The following RYR2 variants were observed in gnomAD, a reference collection of about 807,000 sequenced individuals.
The protein encoded by RYR2 is cardiac muscle ryanodine receptor-calcium release channel.
In RYR2, 227 loss-of-function variants were observed where a neutral mutation model predicts 601.1. The observed-to-expected ratio is 0.38, with a 90% confidence interval of 0.34 to 0.42. The LOEUF (loss-of-function observed/expected upper bound fraction) is 0.42. RYR2 is among the 10% of genes least tolerant of loss of function. The probability of loss-of-function intolerance (pLI) is 1.00; values close to 1 mark genes in which losing one functional copy is unlikely to be tolerated. For missense variants in RYR2, 4,646 were observed against 6,156.5 expected, an observed-to-expected ratio of 0.75 and a Z score of 8.21; for synonymous variants, 2,223 against 2,175.1, an observed-to-expected ratio of 1.02 and a Z score of -0.61.
chr1:237,672,323 G>A (rs941262405), intron 58 of RYR2, among the ~76,000 whole-genome samples: 2 of 151,930 alleles, frequency 1.3e-5, no homozygotes, highest in Admixed American at 6.6e-5. Flanking sequence ...ATTGGTATGC[G>A]GCCCCAAAAT....
At chr1:237,218,323 T>C (rs1223893761) in intron 1 of RYR2, among the ~76,000 whole-genome samples, 1 of 152,154 alleles carries the variant, frequency 6.6e-6, no homozygotes, top group Admixed American at 6.6e-5. Flanking sequence ...TGTAGATGGA[T>C]TGAGGAATAC....
chr1:237,159,025 C>T (rs758689084), intron 1 of RYR2, among the ~76,000 whole-genome samples: 4 of 152,204 alleles, frequency 2.6e-5, no homozygotes, highest in South Asian at 4.1e-4. Context: ...CAGTGGCTCA[C>T]GCCTATTACA....
At chr1:237,168,776 C>G (rs796659456) in intron 1 of RYR2, among the ~76,000 whole-genome samples, 38 of 152,236 alleles carry the variant, frequency 2.5e-4, no homozygotes, top group African/African-American at 8.9e-4. Flanking sequence ...GTCGAATGCT[C>G]TACATTGTCT....
At chr1:237,287,076 A>G (rs1691652163) in intron 2 of RYR2, among the ~76,000 whole-genome samples, 1 of 152,046 alleles carries the variant, frequency 6.6e-6, no homozygotes, top group South Asian at 2.1e-4. Flanking sequence ...TCCTTCATAT[A>G]TGATGCTTAG....
intron 1 of RYR2, among the ~76,000 whole-genome samples, chr1:237,069,225 T>C (rs1664013263): frequency 6.6e-6 from 1 of 152,146 alleles, no homozygotes; most frequent in Admixed American, 6.5e-5. Context: ...CTGGCTGTAT[T>C]TTGTGATAAG....
intron 2 of RYR2, among the ~76,000 whole-genome samples, chr1:237,304,746 C>T (rs1005969332): frequency 6.6e-6 from 1 of 152,120 alleles, no homozygotes; most frequent in Non-Finnish European, 1.5e-5. Flanking sequence ...AATGTCATTT[C>T]AACAATAAAG....
chr1:237,318,303 T>C (rs772136945), intron 2 of RYR2, among the ~76,000 whole-genome samples: 7 of 152,148 alleles, frequency 4.6e-5, no homozygotes, highest in Non-Finnish European at 8.8e-5. Context: ...CCATACATCA[T>C]ACATATATGT....
chr1:237,693,677 T>C (rs1373269021), intron 63 of RYR2, among the ~76,000 whole-genome samples: 1 of 152,220 alleles, frequency 6.6e-6, no homozygotes. Context: ...CAGTAGCTGT[T>C]GTTAAAATAT....
intron 1 of RYR2, among the ~76,000 whole-genome samples, chr1:237,244,775 C>T (rs923310195): frequency 2.0e-5 from 3 of 150,708 alleles, no homozygotes; most frequent in Middle Eastern, 3.4e-3. Context: ...ATTTTCTTGG[C>T]GCGAGACAAT....
At chr1:237,382,504 C>T (rs914541271) in intron 8 of RYR2, among the ~76,000 whole-genome samples, 2 of 149,278 alleles carry the variant, frequency 1.3e-5, no homozygotes, top group African/African-American at 5.0e-5. Flanking sequence ...TTACGTATAT[C>T]TCCTAATGTT....
intron 1 of RYR2, among the ~76,000 whole-genome samples, chr1:237,134,015 T>C (rs996135402): frequency 2.1e-4 from 31 of 147,546 alleles, no homozygotes; most frequent in African/African-American, 8.0e-4. Flanking sequence ...TTTCCGTTGG[T>C]GGTTATTGGA....
intron 77 of RYR2, among the ~76,000 whole-genome samples, chr1:237,730,685 G>T (rs182420480): frequency 7.9e-5 from 12 of 152,212 alleles, no homozygotes; most frequent in Admixed American, 7.9e-4. Flanking sequence ...GACTATAAAA[G>T]AATGAACTGT....
intron 23 of RYR2, among the ~76,000 whole-genome samples, chr1:237,508,579 T>A (rs1272596726): frequency 6.6e-6 from 1 of 151,924 alleles, no homozygotes; most frequent in Non-Finnish European, 1.5e-5. Flanking sequence ...TTCACCTAAG[T>A]GGTTATGTTT....
Position 237,297,433 on chromosome 1 carries a change from C to A in RYR2, c.168+26817C>A, listed in dbSNP as rs557804275. 7.7e-4 allele frequency among the ~76,000 whole-genome samples: 117 copies of A among 152,188 alleles called. 1 individual carries two copies. Among genetic ancestry groups the A allele is most frequent in the Non-Finnish European group, 1.4e-3 (93 of 68,020 alleles). On this transcript the variant is annotated intron_variant, in intron 2 of 104. Coordinates refer to ENST00000366574, the MANE Select transcript of RYR2 (RefSeq NM_001035.3). ...ATCATCGTCTGCCATTTTTGTAATA[C>A]CCTACCCACAGGAAAGAAAAGTAAA...
chr1:237,308,684 G>C lies in RYR2; in HGVS notation c.169-22194G>C, dbSNP rs561625291. Among the ~76,000 whole-genome samples, 102 of 152,296 alleles carry C rather than the reference G, an allele frequency of 6.7e-4. No homozygotes were observed. The Middle Eastern group carries it at 0.01, about 15-fold the overall frequency. On this transcript the variant is annotated intron_variant, in intron 2 of 104. Coordinates refer to ENST00000366574, the MANE Select transcript of RYR2 (RefSeq NM_001035.3). ...ATAAAGCTGAGGACCTTAGCGGTGA[G>C]TGTTACAGCTCATAAAAGCAGTGCA...
intron 80 of RYR2, among the ~76,000 whole-genome samples, chr1:237,749,459 C>G (rs926165674): frequency 1.7e-5 from 2 of 119,252 alleles, no homozygotes; most frequent in African/African-American, 5.4e-5. Context: ...TATTATTAAT[C>G]AATTTCACTT....
At chr1:237,525,475 G>A (rs2147894629) in intron 24 of RYR2, among the ~76,000 whole-genome samples, 1 of 152,006 alleles carries the variant, frequency 6.6e-6, no homozygotes, top group South Asian at 2.1e-4. Context: ...TTTTTTGACA[G>A]AGTCTTGCTC....
At chr1:237,178,265 T>G (rs556225032) in intron 1 of RYR2, among the ~76,000 whole-genome samples, 1 of 152,340 alleles carries the variant, frequency 6.6e-6, no homozygotes, top group South Asian at 2.1e-4. Flanking sequence ...CAAGGACATC[T>G]TACTTCCTCT....
chr1:237,430,777 G>T lies in RYR2; in HGVS notation c.1005+7529G>T, dbSNP rs560238630. On this transcript the variant is annotated intron_variant, in intron 12 of 104. Transcript: ENST00000366574. ...TGACTTAAAAGCTGTGAATATTTTT[G>T]AATGTTCTTGATAGAGATTGCCCAA... Among the ~76,000 whole-genome samples the T allele has an allele frequency of 5.3e-5, 8 of 152,254 alleles. No homozygotes were observed. In the South Asian group the frequency reaches 1.7e-3, roughly 32 times the overall value.
Sources: allele counts gnomAD v4.1 joint callset (sites outside exome capture counted in the v4.1 genomes callset), GRCh38; gene constraint gnomAD v4.1.1; transcripts MANE v1.5; gene names NCBI Gene and HGNC (gene_info 2026-07-23, HGNC 2026-07-21).